Variants in PLEKHA5 observed in about 807,000 individuals in gnomAD.
The protein encoded by PLEKHA5 is pleckstrin homology domain-containing family A member 5.
PLEKHA5 carries 55 observed loss-of-function variants against 181.9 expected under a neutral mutation model. The observed-to-expected ratio is 0.30, with a 90% CI of 0.24 to 0.38. PLEKHA5 has a LOEUF of 0.38. Among genes scored for constraint, PLEKHA5 ranks in the 10% least tolerant of loss-of-function variants. PLEKHA5 has a pLI of 1.00. For missense variants in PLEKHA5, 1,432 were observed against 1,549.5 expected (o/e 0.92, Z 1.27); for synonymous variants, 535 against 529.4 (o/e 1.01, Z -0.15).
At chr12:19,318,986 A>G (rs2089930180) in intron 16 of PLEKHA5, among the ~76,000 whole-genome samples, 1 of 152,160 alleles carries the variant, frequency 6.6e-6, no homozygotes, top group African/African-American at 2.4e-5. Flanking sequence ...TTCATCTTTA[A>G]TTTGTTATAA....
chr12:19,326,883 G>A (rs959657842), intron 20 of PLEKHA5, among the ~76,000 whole-genome samples: 19 of 152,162 alleles, frequency 1.2e-4, no homozygotes, highest in African/African-American at 3.6e-4. Flanking sequence ...CCATGATGCT[G>A]CAAAGGACAT....
intron 3 of PLEKHA5, among the ~76,000 whole-genome samples, chr12:19,206,479 A>C (rs2152116632): frequency 6.6e-6 from 1 of 152,158 alleles, no homozygotes; most frequent in East Asian, 1.9e-4. Flanking sequence ...TACCATATTT[A>C]TTTCCTTCGG....
At chr12:19,169,255 T>A (rs1448599194) in intron 3 of PLEKHA5, among the ~76,000 whole-genome samples, 2 of 150,686 alleles carry the variant, frequency 1.3e-5, no homozygotes, top group African/African-American at 4.9e-5. Flanking sequence ...ATTTAAAGGT[T>A]GTCAAGTTAA....
intron 2 of PLEKHA5, among the ~76,000 whole-genome samples, chr12:19,131,711 C>CTCTG (rs1171786512): frequency 2.0e-5 from 3 of 150,928 alleles, no homozygotes; most frequent in African/African-American, 7.3e-5. Flanking sequence ...TTTGCTTGGA[C>CTCTG]TCTGGTTTTG....
rs186762402 is a variant in PLEKHA5 at position 19,204,680 on chromosome 12, A to G, written c.228-49260A>G. On this transcript the variant is annotated intron_variant, in intron 3 of 31. Coordinates refer to ENST00000429027, the MANE Select transcript of PLEKHA5 (RefSeq NM_001256470.2). ...TCAATATTTGGGTGATGTATGATCT[A>G]TAAATCAATTATTTAATATGTAAAC... Among the ~76,000 whole-genome samples the G allele has an allele frequency of 3.9e-5, 6 of 152,306 alleles. No homozygotes were observed. In the East Asian group the frequency reaches 9.6e-4, roughly 24 times the overall value.
chr12:19,256,278 TAAC>T (rs2066855465), intron 5 of PLEKHA5, among the ~76,000 whole-genome samples: 1 of 152,184 alleles, frequency 6.6e-6, no homozygotes, highest in Non-Finnish European at 1.5e-5. Context: ...CACAGCACAC[TAAC>T]AACAGTATGG....
In PLEKHA5 at chr12:19,343,481, G is replaced by A. The variant is rs1463277900; in HGVS notation, c.2662+47G>A. The stretch of plus-strand genomic sequence containing the variant: ...TTTTGTGACTGACCACAGTATTACA[G>A]TCATGTGTCGCTTGGTGACAGATTA... On this transcript the variant is annotated intron_variant, in intron 22 of 31. Transcript: ENST00000429027. 8 of 1,042,730 alleles carry A rather than the reference G, an allele frequency of 7.7e-6. No homozygotes were observed. The Admixed American group carries it at 8.7e-5, about 11-fold the overall frequency. 64.6% of individuals were successfully genotyped at this position (1,042,730 alleles called of 1,614,324 possible). A position where few individuals can be genotyped will look rare whatever the true frequency, so the allele number is the denominator to read the frequency against.
intron 3 of PLEKHA5, among the ~76,000 whole-genome samples, chr12:19,206,519 T>A (rs2055566012): frequency 6.6e-6 from 1 of 152,062 alleles, no homozygotes; most frequent in Non-Finnish European, 1.5e-5. Flanking sequence ...TACACATAAA[T>A]GTCAGGTAGG....
Position 19,217,159 on chromosome 12 carries a change from A to T in PLEKHA5, c.228-36781A>T, listed in dbSNP as rs146606625. Among the ~76,000 whole-genome samples, 5 of 152,378 alleles carry T rather than the reference A, an allele frequency of 3.3e-5. No individual in the cohort carries two copies. The East Asian group carries it at 9.6e-4, about 29-fold the overall frequency. ...ATTATAATCAAAAACACAGTATTAA[A>T]AGGGATACATGGGGTTTTTCAGTCA... is the stretch of plus-strand genomic sequence containing the variant. On this transcript the variant is annotated intron_variant, in intron 3 of 31. Transcript: ENST00000429027.
At chr12:19,228,376 C>T (rs986990897) in intron 3 of PLEKHA5, among the ~76,000 whole-genome samples, 1 of 152,196 alleles carries the variant, frequency 6.6e-6, no homozygotes, top group Non-Finnish European at 1.5e-5. Context: ...CTGTTTTCTA[C>T]TCTCCAGATC....
intron 30 of PLEKHA5, 138 bp downstream of exon 30, chr12:19,366,247 G>A (rs1166563274): frequency 7.4e-5 from 50 of 677,912 alleles, no homozygotes; most frequent in Non-Finnish European, 1.1e-4. Flanking sequence ...CTCCCCAAGT[G>A]TACCTTCAGG....
At chr12:19,219,805 A>G (rs2058648475) in intron 3 of PLEKHA5, among the ~76,000 whole-genome samples, 2 of 152,260 alleles carry the variant, frequency 1.3e-5, no homozygotes, top group East Asian at 1.9e-4. Flanking sequence ...AGATCTTTAT[A>G]TAATTGGTTT....
rs2060592868 is a variant in PLEKHA5 at position 19,231,599 on chromosome 12, C to CCTATATATGT, written c.228-22341_228-22340insCTATATATGT. Among the ~76,000 whole-genome samples, 2 of 1,286 alleles carry CCTATATATGT rather than the reference C, an allele frequency of 1.6e-3. 1 individual carries two copies. The highest frequency in any genetic ancestry group is 2.5e-3 in the Non-Finnish European group (2 of 800). The allele number at this position is 1,286 out of a possible 152,430, so 0.8% of individuals were successfully genotyped here. A position where few individuals can be genotyped will look rare whatever the true frequency, so the allele number is the denominator to read the frequency against. The stretch of plus-strand genomic sequence containing the variant: ...ATGTATATATATTTATATATGTACA[C>CCTATATATGT]ATATATATATATAAATACTCATAAA... On this transcript the variant is annotated intron_variant, in intron 3 of 31. Coordinates refer to ENST00000429027, the MANE Select transcript of PLEKHA5 (RefSeq NM_001256470.2).
At chr12:19,213,127 C>T (rs2057297286) in intron 3 of PLEKHA5, among the ~76,000 whole-genome samples, 1 of 151,932 alleles carries the variant, frequency 6.6e-6, no homozygotes, top group Admixed American at 6.6e-5. Context: ...GTGACTGATC[C>T]CTTTGGAGCA....
chr12:19,229,684 G>A (rs2060188717), intron 3 of PLEKHA5, among the ~76,000 whole-genome samples: 1 of 152,176 alleles, frequency 6.6e-6, no homozygotes, highest in African/African-American at 2.4e-5. Flanking sequence ...CCACAGTGTG[G>A]AAGAAGACCC....
At chr12:19,324,197 G>C (rs564971582) in intron 20 of PLEKHA5, among the ~76,000 whole-genome samples, 18 of 152,206 alleles carry the variant, frequency 1.2e-4, no homozygotes, top group Admixed American at 1.0e-3. Flanking sequence ...TCTCAACTTG[G>C]CTTCTATTCT....
chr12:19,190,871 T>C (rs1366722071), intron 3 of PLEKHA5, among the ~76,000 whole-genome samples: 1 of 152,148 alleles, frequency 6.6e-6, no homozygotes, highest in South Asian at 2.1e-4. Context: ...TTTAAAAATA[T>C]CAGTGTGAAA....
chr12:19,288,027 G>A lies in PLEKHA5; in HGVS notation c.1863+471G>A, dbSNP rs978795953. The A allele has an allele frequency of 6.4e-4, 155 of 241,358 alleles. 1 individual carries two copies. The highest frequency in any genetic ancestry group is 3.4e-4 in the Non-Finnish European group (42 of 125,028). The allele number at this position is 241,358 out of a possible 1,614,324, so 15.0% of individuals were successfully genotyped here. On this transcript the variant is annotated intron_variant, in intron 13 of 31. Transcript: ENST00000429027. ...CAGGAGGTGGAGTTTGCAGTGAGCC[G>A]AGATCCTGCCATTGCACTCCAGCCT...
intron 15 of PLEKHA5, among the ~76,000 whole-genome samples, chr12:19,294,709 A>T (rs2079310271): frequency 6.6e-6 from 1 of 152,202 alleles, no homozygotes; most frequent in Non-Finnish European, 1.5e-5. Context: ...GAGTATTCTC[A>T]TAGTTACTTC....
Sources: gnomAD v4.1 joint callset for allele counts (sites outside exome capture counted in the v4.1 genomes callset) on GRCh38, gnomAD v4.1.1 for gene constraint, MANE v1.5 for transcripts, NCBI Gene and HGNC (gene_info 2026-07-23, HGNC 2026-07-21) for gene names.